ADAMTSL3: variants seen among roughly 807,000 people sequenced by gnomAD.
The protein encoded by ADAMTSL3 is ADAMTS like 3, also known as ADAMTS-like protein 3.
Under a neutral mutation model 201.7 loss-of-function variants are expected in ADAMTSL3, and 128 were observed. The observed-to-expected ratio is 0.63, with a 90% CI of 0.55 to 0.73. ADAMTSL3 has a LOEUF of 0.73. ADAMTSL3 is among the 30% of genes least tolerant of loss of function. ADAMTSL3 has a pLI of 0.00. For missense variants in ADAMTSL3, 1,990 were observed against 2,119.6 expected (o/e 0.94, Z 1.20); for synonymous variants, 738 against 748.4 (o/e 0.99, Z 0.23).
intron 12 of ADAMTSL3, among the ~76,000 whole-genome samples, chr15:83,891,851 C>G (rs998741540): frequency 2.0e-5 from 3 of 152,172 alleles, no homozygotes; most frequent in African/African-American, 7.2e-5. Context: ...GTATATTATT[C>G]CCAGTTGACA....
chr15:83,742,969 G>A (rs557730591), intron 3 of ADAMTSL3, among the ~76,000 whole-genome samples: 1 of 152,200 alleles, frequency 6.6e-6, no homozygotes, highest in African/African-American at 2.4e-5. Context: ...CTTTCCATCA[G>A]CATTTGCAGA....
chr15:83,961,217 C>G (rs1311063317), intron 19 of ADAMTSL3, among the ~76,000 whole-genome samples: 1 of 151,738 alleles, frequency 6.6e-6, no homozygotes, highest in Non-Finnish European at 1.5e-5. Flanking sequence ...AAGGAAATGA[C>G]TGGAAATAAA....
chr15:83,864,712 G>T (rs2064938021), intron 8 of ADAMTSL3, among the ~76,000 whole-genome samples: 1 of 152,222 alleles, frequency 6.6e-6, no homozygotes. Flanking sequence ...ACAAGACAGA[G>T]ATGCCCTCTC....
chr15:84,010,446 T>C (rs976447738), intron 23 of ADAMTSL3, among the ~76,000 whole-genome samples: 3 of 152,340 alleles, frequency 2.0e-5, no homozygotes, highest in South Asian at 2.1e-4. Flanking sequence ...ATCTTTGGGA[T>C]AGAATATGGT....
intron 17 of ADAMTSL3, among the ~76,000 whole-genome samples, chr15:83,931,333 C>G (rs761342464): frequency 2.6e-5 from 4 of 152,188 alleles, no homozygotes; most frequent in Non-Finnish European, 5.9e-5. Flanking sequence ...GAAATTGTTG[C>G]CCATTTCTTA....
At chr15:83,826,430 C>A (rs1316743392) in intron 6 of ADAMTSL3, among the ~76,000 whole-genome samples, 2 of 136,092 alleles carry the variant, frequency 1.5e-5, no homozygotes, top group Admixed American at 1.5e-4. Context: ...GCCCTGGAAG[C>A]AGATCTTTTT....
chr15:83,821,777 G>GTGTGTACCCC (rs1200023304), intron 6 of ADAMTSL3, among the ~76,000 whole-genome samples: 68 of 152,254 alleles, frequency 4.5e-4, no homozygotes, highest in African/African-American at 1.6e-3. Context: ...CAGACGGGGT[G>GTGTGTACCCC]GTGGCCGGGC....
chr15:84,014,705 A>T lies in ADAMTSL3; in HGVS notation c.4137A>T (p.Thr1379=). The part of the protein sequence containing the change: ...ATNALGKAVA[T]SVLHLLERRW... ...ATGCTCTTGGAAAGGCAGTGGCAAC[A>T]TCTGTACTCCACTTGCTGGGTAAGT... The change falls in exon 24 of 30, where the codon ACA becomes ACT. Residue 1379 remains threonine (T), a synonymous_variant. Transcript: ENST00000286744. 7.4e-6 allele frequency: 12 copies of T among 1,611,528 alleles called. No individual in the cohort carries two copies. Among genetic ancestry groups the T allele is most frequent in the Non-Finnish European group, 8.5e-6 (10 of 1,179,288 alleles).
intron 2 of ADAMTSL3, among the ~76,000 whole-genome samples, chr15:83,672,741 A>G (rs2061344250): frequency 6.6e-6 from 1 of 152,244 alleles, no homozygotes; most frequent in South Asian, 2.1e-4. Flanking sequence ...TCCAAAGAAC[A>G]GGGATAGGTG....
At chr15:83,863,092 C>T (rs1429647821) in intron 8 of ADAMTSL3, among the ~76,000 whole-genome samples, 1 of 152,116 alleles carries the variant, frequency 6.6e-6, no homozygotes, top group East Asian at 1.9e-4. Context: ...TATATGCACC[C>T]AATACAGGAA....
In ADAMTSL3 at chr15:83,823,207, AGAGGGT is replaced by A. The variant is rs1167456735; in HGVS notation, c.600+3166_600+3171del. Among the ~76,000 whole-genome samples, 192 of 63,020 alleles carry A rather than the reference AGAGGGT, an allele frequency of 3.0e-3. 13 individuals carry two copies. The highest frequency in any genetic ancestry group is 0.025 in the Middle Eastern group (3 of 120). The allele number at this position is 63,020 out of a possible 152,430, so 41.3% of individuals were successfully genotyped here. On this transcript the variant is annotated intron_variant, in intron 6 of 29. Coordinates refer to ENST00000286744, the MANE Select transcript of ADAMTSL3 (RefSeq NM_207517.3). ...CGTGGGGAGAGGGAGAGGGTGAGGG[AGAGGGT>A]GAGGGGGAGGGGGAGGGAGAGGGAG...
chr15:83,820,227 A>C (rs191060686), intron 6 of ADAMTSL3, among the ~76,000 whole-genome samples, 180 bp downstream of exon 6: 2 of 152,300 alleles, frequency 1.3e-5, no homozygotes, highest in Admixed American at 1.3e-4. Flanking sequence ...TACAAATACA[A>C]ATTGTATTTG....
intron 4 of ADAMTSL3, among the ~76,000 whole-genome samples, chr15:83,784,577 A>T (rs922579011): frequency 1.3e-5 from 2 of 152,160 alleles, no homozygotes; most frequent in African/African-American, 4.8e-5. Flanking sequence ...CTCAGATTAC[A>T]ATCTCTATTT....
chr15:83,656,170 C>T (rs978304362), intron 2 of ADAMTSL3, among the ~76,000 whole-genome samples: 2 of 152,190 alleles, frequency 1.3e-5, no homozygotes, highest in African/African-American at 4.8e-5. Flanking sequence ...GACCAGGAAA[C>T]AATGGGCAGA....
chr15:83,658,774 C>T (rs2141352727), intron 2 of ADAMTSL3, among the ~76,000 whole-genome samples: 1 of 152,308 alleles, frequency 6.6e-6, no homozygotes, highest in African/African-American at 2.4e-5. Context: ...CTTTATCTAG[C>T]CTGGAGTATT....
chr15:83,734,649 G>A (rs2062340362), intron 3 of ADAMTSL3, among the ~76,000 whole-genome samples: 1 of 152,160 alleles, frequency 6.6e-6, no homozygotes, highest in South Asian at 2.1e-4. Context: ...GAGGGTTGAT[G>A]CTCAGCAAAT....
chr15:84,036,878 G>T lies in ADAMTSL3; in HGVS notation c.4860G>T (p.Arg1620=), dbSNP rs1272877812. The change falls in exon 29 of 30, where the codon CGG becomes CGT. Residue 1620 remains arginine, a synonymous_variant. Transcript: ENST00000286744. ...TAACGRGFQS[R]KVDCIHTRSC... ...CCTGTGGCAGGGGTTTCCAGTCTCGGAAAGTCGACTGTATCCACACAAGGA... is the reference window on the plus strand; with the variant it reads ...CCTGTGGCAGGGGTTTCCAGTCTCGTAAAGTCGACTGTATCCACACAAGGA... 3.7e-5 allele frequency: 60 copies of T among 1,614,032 alleles called. No individual in the cohort carries two copies. The highest frequency in any genetic ancestry group is 4.8e-5 in the Non-Finnish European group (57 of 1,180,038).
At chr15:83,952,762 T>A (rs1213022496) in intron 19 of ADAMTSL3, among the ~76,000 whole-genome samples, 8 of 148,630 alleles carry the variant, frequency 5.4e-5, no homozygotes, top group African/African-American at 2.0e-4. Flanking sequence ...GCCAAGATCG[T>A]GCCACTGCAC....
chr15:83,819,673 A>G, intron 5 of ADAMTSL3, 138 bp from the exon 6 acceptor site: 1 of 640,692 alleles, frequency 1.6e-6, no homozygotes. Flanking sequence ...AAAAAAAAAA[A>G]AAAAAAGAGG....
Sources: allele counts gnomAD v4.1 joint callset (sites outside exome capture counted in the v4.1 genomes callset), GRCh38; gene constraint gnomAD v4.1.1; transcripts MANE v1.5; gene names NCBI Gene and HGNC (gene_info 2026-07-23, HGNC 2026-07-21).